Variants in RGS6 observed in about 807,000 individuals in gnomAD.
RGS6 encodes regulator of G-protein signaling 6.
RGS6 carries 30 observed loss-of-function variants against 78.5 expected under a neutral mutation model. The observed-to-expected ratio is 0.38, with a 90% CI of 0.29 to 0.52. RGS6 has a LOEUF of 0.52. RGS6 is among the 20% of genes least tolerant of loss of function. The pLI, the probability that RGS6 is intolerant of heterozygous loss-of-function variation, is 0.85. For synonymous variants in RGS6, 206 were observed against 206.0 expected, an observed-to-expected ratio of 1.00 and a Z score of 0.00; for missense variants, 495 against 609.7, an observed-to-expected ratio of 0.81 and a Z score of 1.98.
rs5809574 is a variant in RGS6, at chr14:72,468,375, C to CAA, written c.460-1619_460-1618dup. 1.0e-2 allele frequency among the ~76,000 whole-genome samples: 1,323 copies of CAA among 132,514 alleles called. 11 individuals carry two copies. The highest frequency in any genetic ancestry group is 0.024 in the Middle Eastern group (6 of 248). The allele number at this position is 132,514 out of a possible 152,430, so 86.9% of individuals were successfully genotyped here. On this transcript the variant is annotated intron_variant, in intron 7 of 17. Coordinates refer to ENST00000553525, the MANE Select transcript of RGS6 (RefSeq NM_001204424.2). ...TGGGCAACAGAGCGAGACTCCGTCT[C>CAA]AAAAAAAAAAAAAAGAATATGGCAT...
intron 2 of RGS6, among the ~76,000 whole-genome samples, chr14:72,136,145 T>G (rs1322549333): frequency 6.6e-6 from 1 of 152,178 alleles, no homozygotes; most frequent in Non-Finnish European, 1.5e-5. Context: ...AAGTCATCGA[T>G]GCAGTGGACT....
At chr14:72,396,973 T>A (rs935161229) in intron 3 of RGS6, among the ~76,000 whole-genome samples, 5 of 152,226 alleles carry the variant, frequency 3.3e-5, no homozygotes, top group Admixed American at 6.5e-5. Context: ...AGAAGTCAGG[T>A]AGCATGATGC....
chr14:72,526,887 C>T (rs757555902), intron 15 of RGS6, among the ~76,000 whole-genome samples: 2 of 152,216 alleles, frequency 1.3e-5, no homozygotes, highest in Non-Finnish European at 2.9e-5. Context: ...CTGCAAGAAC[C>T]GTGCTGAAGA....
At chr14:71,982,086 A>T (rs2094493125) in intron 2 of RGS6, among the ~76,000 whole-genome samples, 1 of 152,224 alleles carries the variant, frequency 6.6e-6, no homozygotes, top group Non-Finnish European at 1.5e-5. Flanking sequence ...TGACTAGGAA[A>T]GGGAACTCCC....
chr14:72,365,146 C>G (rs902040717), intron 3 of RGS6, among the ~76,000 whole-genome samples: 2 of 152,056 alleles, frequency 1.3e-5, no homozygotes, highest in African/African-American at 4.8e-5. Flanking sequence ...ATCAAATGAG[C>G]CTGGACAAGA....
chr14:72,437,703 A>G (rs2094997371), intron 3 of RGS6, among the ~76,000 whole-genome samples: 1 of 152,130 alleles, frequency 6.6e-6, no homozygotes. Flanking sequence ...CTTGGTCTGA[A>G]GTTGATCAAT....
At chr14:72,326,805 T>C (rs1297089147) in intron 2 of RGS6, among the ~76,000 whole-genome samples, 10 of 152,220 alleles carry the variant, frequency 6.6e-5, no homozygotes, top group Admixed American at 6.5e-4. Flanking sequence ...CCTCCCGGGC[T>C]CACGCCATTG....
rs190249745 is a variant in RGS6 at position 72,215,241 on chromosome 14, G to A, written c.85-136854G>A. On this transcript the variant is annotated intron_variant, in intron 2 of 17. Transcript: ENST00000553525. ...TGTAAAAACTCATTCTTGACTTCCA[G>A]CCAATCAGCCAGAGACATGACCTTC... 6.0e-4 allele frequency among the ~76,000 whole-genome samples: 92 copies of A among 152,292 alleles called. 1 individual carries two copies. In the East Asian group the frequency reaches 6.4e-3, roughly 11 times the overall value.
At chr14:72,155,238 A>G (rs1475259771) in intron 2 of RGS6, among the ~76,000 whole-genome samples, 2 of 152,200 alleles carry the variant, frequency 1.3e-5, no homozygotes, top group South Asian at 2.1e-4. Context: ...GCCAAATCCA[A>G]ACTGTGACAT....
chr14:72,107,340 G>A (rs1452529251), intron 2 of RGS6, among the ~76,000 whole-genome samples: 4 of 151,962 alleles, frequency 2.6e-5, no homozygotes, highest in Admixed American at 2.6e-4. Flanking sequence ...CCCATTTTTG[G>A]CCAGTGGGAG....
At chr14:72,282,112 G>C (rs1015990123) in intron 2 of RGS6, among the ~76,000 whole-genome samples, 1 of 152,142 alleles carries the variant, frequency 6.6e-6, no homozygotes, top group African/African-American at 2.4e-5. Flanking sequence ...GGGAATAATG[G>C]GGAACTTCTG....
intron 17 of RGS6, 184 bp downstream of exon 17, chr14:72,540,278 A>C: frequency 6.6e-7 from 1 of 1,524,516 alleles, no homozygotes; most frequent in Non-Finnish European, 8.7e-7. Context: ...TAGGGATGAA[A>C]ATGCAAAAAA....
the RGS6 span, among the ~76,000 whole-genome samples, chr14:72,615,154 T>A: frequency 6.6e-6 from 1 of 152,010 alleles, no homozygotes; most frequent in South Asian, 2.1e-4. Context: ...GCTGCTTCTG[T>A]CCCAGCACTT....
At chr14:72,323,113 GATGAT>G (rs2152524494) in intron 2 of RGS6, among the ~76,000 whole-genome samples, 1 of 152,196 alleles carries the variant, frequency 6.6e-6, no homozygotes, top group South Asian at 2.1e-4. Context: ...CATATATGCA[GATGAT>G]ATGATTATGT....
intron 2 of RGS6, among the ~76,000 whole-genome samples, chr14:72,137,821 T>C (rs1383227748): frequency 6.6e-6 from 1 of 152,156 alleles, no homozygotes; most frequent in Non-Finnish European, 1.5e-5. Context: ...CCCAGTCCTT[T>C]TGGGTTTTTA....
At chr14:72,215,548 T>C (rs2153778438) in intron 2 of RGS6, among the ~76,000 whole-genome samples, 1 of 152,322 alleles carries the variant, frequency 6.6e-6, no homozygotes, top group South Asian at 2.1e-4. Flanking sequence ...ACCTGATGCG[T>C]CCACCCTACT....
At chr14:72,161,540 G>A (rs761309421) in intron 2 of RGS6, among the ~76,000 whole-genome samples, 4 of 152,176 alleles carry the variant, frequency 2.6e-5, no homozygotes, top group African/African-American at 4.8e-5. Flanking sequence ...ACTCAGTGAT[G>A]ACCCCAGAGC....
At chr14:72,420,733 C>G (rs1016084641) in intron 3 of RGS6, among the ~76,000 whole-genome samples, 2 of 152,172 alleles carry the variant, frequency 1.3e-5, no homozygotes, top group African/African-American at 4.8e-5. Context: ...TCATTATTTG[C>G]CTCTGGAAAA....
chr14:71,874,042 T>C, the RGS6 span, among the ~76,000 whole-genome samples: 1 of 152,228 alleles, frequency 6.6e-6, no homozygotes, highest in African/African-American at 2.4e-5. Context: ...TTGGTTACTG[T>C]AGCCTTGTAG....
Sources: allele counts gnomAD v4.1 joint callset (sites outside exome capture counted in the v4.1 genomes callset), GRCh38; gene constraint gnomAD v4.1.1; transcripts MANE v1.5; gene names NCBI Gene and HGNC (gene_info 2026-07-23, HGNC 2026-07-21).